Variants in HACD2 observed in about 807,000 individuals in gnomAD.
The protein encoded by HACD2 is very-long-chain (3R)-3-hydroxyacyl-CoA dehydratase 2.
In HACD2, 15 loss-of-function variants were observed where a neutral mutation model predicts 31.0. The observed-to-expected ratio is 0.48, with a 90% CI of 0.32 to 0.75. The LOEUF (loss-of-function observed/expected upper bound fraction) is 0.75. HACD2 is among the 30% of genes least tolerant of loss of function. The probability of loss-of-function intolerance (pLI) is 0.03; values close to 1 mark genes in which losing one functional copy is unlikely to be tolerated. For synonymous variants in HACD2, 115 were observed against 122.2 expected (o/e 0.94, Z 0.39); for missense variants, 283 against 313.0 (o/e 0.90, Z 0.72).
intron 3 of HACD2, among the ~76,000 whole-genome samples, chr3:123,555,991 A>G (rs191280851): frequency 6.6e-6 from 1 of 152,208 alleles, no homozygotes. Context: ...CTGGATGACT[A>G]TATGTAAAAA....
chr3:123,524,359 T>A (rs1278002879), intron 4 of HACD2, among the ~76,000 whole-genome samples: 2 of 152,150 alleles, frequency 1.3e-5, no homozygotes, highest in South Asian at 2.1e-4. Flanking sequence ...AGTGCATACA[T>A]CCTAGTTTGA....
At chr3:123,496,475 G>A (rs569480035) in intron 6 of HACD2, among the ~76,000 whole-genome samples, 68 of 152,280 alleles carry the variant, frequency 4.5e-4, no homozygotes, top group Admixed American at 2.4e-3. Flanking sequence ...ACACCAGTGC[G>A]TGTGTGACAA....
At chr3:123,546,000 C>T (rs533324308) in intron 3 of HACD2, among the ~76,000 whole-genome samples, 13 of 152,074 alleles carry the variant, frequency 8.5e-5, no homozygotes, top group African/African-American at 1.4e-4. Context: ...AATGAACCAC[C>T]GTGCCTGGCT....
chr3:123,526,748 C>G (rs936531695), intron 4 of HACD2, among the ~76,000 whole-genome samples: 5 of 152,154 alleles, frequency 3.3e-5, no homozygotes, highest in African/African-American at 1.2e-4. Context: ...GACACCAAGT[C>G]CATGTACCTA....
At chr3:123,573,548 G>T (rs533915816) in intron 2 of HACD2, among the ~76,000 whole-genome samples, 1 of 152,196 alleles carries the variant, frequency 6.6e-6, no homozygotes, top group Non-Finnish European at 1.5e-5. Flanking sequence ...ATCTGCTGCT[G>T]CTCAGGACAG....
intron 4 of HACD2, among the ~76,000 whole-genome samples, chr3:123,527,644 A>G (rs1403831120): frequency 2.0e-5 from 3 of 152,258 alleles, no homozygotes; most frequent in East Asian, 3.8e-4. Flanking sequence ...TCTCAGCTTA[A>G]TAACGAAACA....
At position 123,578,435 on chromosome 3, in the gene HACD2, C is replaced by T. The variant is rs1019623515; in HGVS notation, c.273+3777G>A. Among the ~76,000 whole-genome samples, 6 of 151,958 alleles carry T rather than the reference C, an allele frequency of 3.9e-5. No individual in the cohort carries two copies. In the South Asian group the frequency reaches 8.3e-4, roughly 21 times the overall value. ...ACAGGCATGTGCTACCATGCCTGGC[C>T]AATTTTTTAATTTTTTGTAGAGATG... On this transcript the variant is annotated intron_variant, in intron 2 of 6. Coordinates refer to ENST00000383657, the MANE Select transcript of HACD2 (RefSeq NM_198402.5).
intron 3 of HACD2, among the ~76,000 whole-genome samples, chr3:123,545,294 C>T (rs2056545086): frequency 6.7e-6 from 1 of 150,282 alleles, no homozygotes; most frequent in Non-Finnish European, 1.5e-5. Context: ...CTCGCCTGGT[C>T]AACATGGCGA....
Position 123,502,630 on chromosome 3 carries a change from C to A in HACD2, c.433G>T (p.Glu145Ter). The A allele has an allele frequency of 6.2e-7, 1 of 1,607,628 alleles. No individual in the cohort carries two copies. The highest frequency in any genetic ancestry group is 8.5e-7 in the Non-Finnish European group (1 of 1,176,956). Reference protein sequence around the residue: ...LLFVIAWTITEIIRYSFYTFS... With the variant: ...LLFVIAWTIT ...GTATAAAAGGAGTAACGGATGATTT[C>A]CGTGATCGTCCATGCAATAACAAAC... The change falls in exon 5 of 7, where the codon GAA becomes TAA. Residue 145 changes from glutamate (E) to a stop codon, truncating the protein, a stop_gained. Coordinates refer to ENST00000383657, the MANE Select transcript of HACD2 (RefSeq NM_198402.5). LOFTEE classifies it high-confidence loss of function.
At chr3:123,569,342 T>A (rs2056828096) in intron 2 of HACD2, among the ~76,000 whole-genome samples, 1 of 152,130 alleles carries the variant, frequency 6.6e-6, no homozygotes, top group Admixed American at 6.5e-5. Context: ...AGAAGACAGA[T>A]GACAGTACCT....
chr3:123,520,659 CT>C (rs2056202401), intron 4 of HACD2, among the ~76,000 whole-genome samples: 2 of 152,320 alleles, frequency 1.3e-5, no homozygotes, highest in South Asian at 4.1e-4. Flanking sequence ...TAAAAACTTA[CT>C]TTTTTGTCTT....
chr3:123,528,037 T>C (rs1576752402), intron 4 of HACD2, among the ~76,000 whole-genome samples: 1 of 152,152 alleles, frequency 6.6e-6, no homozygotes, highest in Non-Finnish European at 1.5e-5. Context: ...GGCAGGCAGA[T>C]TGCTTGAGCT....
intron 3 of HACD2, among the ~76,000 whole-genome samples, chr3:123,547,860 T>C (rs921960648): frequency 6.6e-6 from 1 of 152,176 alleles, no homozygotes. Context: ...ATTAATTAAT[T>C]TACTTCTCAC....
At chr3:123,504,429 G>A (rs762719517) in intron 4 of HACD2, among the ~76,000 whole-genome samples, 21 of 151,984 alleles carry the variant, frequency 1.4e-4, no homozygotes, top group African/African-American at 4.8e-4. Context: ...AAATAATTGC[G>A]GAGCAAATGA....
chr3:123,518,117 G>A lies in HACD2; in HGVS notation c.381+10269C>T, dbSNP rs1373134364. Among the ~76,000 whole-genome samples the A allele has an allele frequency of 1.3e-3, 3 of 2,292 alleles. 1 individual carries two copies. The highest frequency in any genetic ancestry group is 1.4e-3 in the African/African-American group (3 of 2,212). 1.5% of individuals were successfully genotyped at this position (2,292 alleles called of 152,430 possible). On this transcript the variant is annotated intron_variant, in intron 4 of 6. Coordinates refer to ENST00000383657, the MANE Select transcript of HACD2 (RefSeq NM_198402.5). ...TGAGGCAGGAGAATGGCGTGAACCC[G>A]GGAGGCGGAGCTTGCAGTGAGCCGA...
At chr3:123,557,115 A>G (rs943041152) in intron 3 of HACD2, among the ~76,000 whole-genome samples, 4 of 144,876 alleles carry the variant, frequency 2.8e-5, no homozygotes, top group Non-Finnish European at 6.4e-5. Flanking sequence ...TGGGCTGCGC[A>G]GCAGGAGAGC....
intron 2 of HACD2, among the ~76,000 whole-genome samples, chr3:123,570,078 C>T (rs1028514215): frequency 7.3e-6 from 1 of 137,222 alleles, no homozygotes; most frequent in African/African-American, 2.7e-5. Context: ...AGAGGACACA[C>T]AGCAATGAAT....
At chr3:123,554,920 C>T (rs1395624455) in intron 3 of HACD2, among the ~76,000 whole-genome samples, 2 of 152,108 alleles carry the variant, frequency 1.3e-5, no homozygotes, top group African/African-American at 4.8e-5. Context: ...AATATTTATG[C>T]ATCAAATAAC....
chr3:123,541,531 G>A (rs2056490853), intron 3 of HACD2, among the ~76,000 whole-genome samples: 1 of 152,148 alleles, frequency 6.6e-6, no homozygotes, highest in South Asian at 2.1e-4. Context: ...GGCATCCATG[G>A]GAAAGATTCT....
Sources: allele counts gnomAD v4.1 joint callset (sites outside exome capture counted in the v4.1 genomes callset), GRCh38; gene constraint gnomAD v4.1.1; transcripts MANE v1.5; gene names NCBI Gene and HGNC (gene_info 2026-07-23, HGNC 2026-07-21).